Variants in NEBL observed in about 807,000 individuals in gnomAD.
The protein encoded by NEBL is LIM and SH3 protein 2.
NEBL carries 122 observed loss-of-function variants against 140.2 expected under a neutral mutation model. The ratio of observed to expected loss-of-function variants is 0.87; its 90% CI spans 0.75 to 1.01. The LOEUF (loss-of-function observed/expected upper bound fraction) is 1.01, where lower values mean the gene tolerates loss of function less well. Among genes scored for constraint, NEBL ranks in the 50% least tolerant of loss-of-function variants. The pLI is 0.00. For missense variants in NEBL, 1,365 were observed against 1,231.3 expected (o/e 1.11, Z -1.62); for synonymous variants, 436 against 398.9 (o/e 1.09, Z -1.11).
At chr10:20,902,997 A>G (rs1847935245) in intron 4 of NEBL, among the ~76,000 whole-genome samples, 2 of 152,202 alleles carry the variant, frequency 1.3e-5, no homozygotes, top group Non-Finnish European at 2.9e-5. Context: ...TCACGATTCC[A>G]TAAACTGTTG....
chr10:21,018,036 G>A (rs1838629392), intron 3 of NEBL, among the ~76,000 whole-genome samples: 1 of 151,994 alleles, frequency 6.6e-6, no homozygotes, highest in African/African-American at 2.4e-5. Context: ...TGGCCAGGCT[G>A]GTCTCGAACT....
intron 3 of NEBL, 107 bp downstream of exon 3, chr10:20,889,738 T>C: frequency 1.3e-6 from 1 of 746,724 alleles, no homozygotes; most frequent in Non-Finnish European, 2.4e-6. Flanking sequence ...TAACATTCAG[T>C]AGTGCTTTTG....
chr10:20,857,010 G>A (rs1177884024), intron 9 of NEBL, among the ~76,000 whole-genome samples: 2 of 151,954 alleles, frequency 1.3e-5, no homozygotes, highest in Non-Finnish European at 2.9e-5. Flanking sequence ...TGTATTTTTA[G>A]TAGAGACGAG....
intron 4 of NEBL, among the ~76,000 whole-genome samples, chr10:20,948,697 C>T (rs757609739): frequency 6.6e-5 from 10 of 152,236 alleles, no homozygotes; most frequent in Non-Finnish European, 1.0e-4. Context: ...ATTTCTCCAA[C>T]AGAGCTCTCA....
At chr10:20,872,730 A>C (rs1845079334) in intron 5 of NEBL, among the ~76,000 whole-genome samples, 1 of 152,292 alleles carries the variant, frequency 6.6e-6, no homozygotes, top group African/African-American at 2.4e-5. Context: ...AAACCCACCA[A>C]AACCAAGATG....
At chr10:21,174,146 G>A (rs1233784442) in exon 1 of NEBL, 6 of 563,584 alleles carry the variant, frequency 1.1e-5, no homozygotes, top group African/African-American at 1.0e-4. Flanking sequence ...CCCGCCCCTC[G>A]CGCTCACTCG....
chr10:20,933,498 AC>A (rs1341074448), intron 4 of NEBL, among the ~76,000 whole-genome samples: 1 of 152,088 alleles, frequency 6.6e-6, no homozygotes, highest in East Asian at 1.9e-4. Flanking sequence ...CTTTGGGAGG[AC>A]AAGGCGGGTG....
chr10:20,789,853 T>TTA lies in NEBL; in HGVS notation c.2762-2547_2762-2546dup, dbSNP rs537896711. Reference sequence around the variant, plus strand: ...ACAGAGAGCAATCTTATCTCAAATTTTATATATATATATACATACACATAC... The same window carrying TTA: ...ACAGAGAGCAATCTTATCTCAAATTTTATATATATATATATACATACACATAC... On this transcript the variant is annotated intron_variant, in intron 26 of 27. Coordinates refer to ENST00000377122, the MANE Select transcript of NEBL (RefSeq NM_006393.3). 3.2e-3 allele frequency among the ~76,000 whole-genome samples: 479 copies of TTA among 149,490 alleles called. 7 individuals are homozygous for TTA. The South Asian group carries it at 0.037, about 11-fold the overall frequency.
intron 3 of NEBL, among the ~76,000 whole-genome samples, chr10:20,970,541 G>A (rs957584956): frequency 7.2e-5 from 11 of 152,150 alleles, no homozygotes; most frequent in African/African-American, 2.4e-4. Context: ...AGCTACTCAG[G>A]AGGCCTCTGA....
At chr10:20,921,726 ACACACACAACACATG>A (rs1372665913) in intron 4 of NEBL, among the ~76,000 whole-genome samples, 1 of 152,092 alleles carries the variant, frequency 6.6e-6, no homozygotes, top group Non-Finnish European at 1.5e-5. Flanking sequence ...ATGTGACAAC[ACACACACAACACATG>A]CACACACATA....
intron 1 of NEBL, among the ~76,000 whole-genome samples, chr10:21,274,692 C>T (rs1018128614): frequency 2.6e-5 from 4 of 152,082 alleles, no homozygotes; most frequent in African/African-American, 9.7e-5. Context: ...TCCCAAAGTG[C>T]TGGGATTACA....
At chr10:21,024,082 A>C (rs80020861) in intron 2 of NEBL, among the ~76,000 whole-genome samples, 1 of 151,596 alleles carries the variant, frequency 6.6e-6, no homozygotes, top group African/African-American at 2.4e-5. Context: ...AAAAAAAAAA[A>C]CATTGAAAAG....
chr10:21,125,966 G>A (rs1159193440), intron 2 of NEBL: 1 of 1,614,174 alleles, frequency 6.2e-7, no homozygotes, highest in African/African-American at 1.3e-5. Context: ...CCTGGATCTG[G>A]TTCAGGAGCT....
At chr10:20,963,848 G>A (rs1306713396) in intron 3 of NEBL, among the ~76,000 whole-genome samples, 1 of 152,150 alleles carries the variant, frequency 6.6e-6, no homozygotes, top group Non-Finnish European at 1.5e-5. Flanking sequence ...GAGTGTTGCA[G>A]GATTCCTATT....
chr10:21,248,635 T>C (rs561051567), intron 2 of NEBL, among the ~76,000 whole-genome samples: 34 of 152,318 alleles, frequency 2.2e-4, no homozygotes, highest in African/African-American at 8.2e-4. Context: ...CATGAGGTTA[T>C]AAATATCTGT....
intron 3 of NEBL, among the ~76,000 whole-genome samples, chr10:21,008,194 A>G (rs1273916604): frequency 1.3e-5 from 2 of 152,340 alleles, no homozygotes; most frequent in East Asian, 1.9e-4. Context: ...ATATATTTAT[A>G]TGCATAATGA....
intron 4 of NEBL, among the ~76,000 whole-genome samples, chr10:20,914,331 A>C (rs533539726): frequency 6.6e-6 from 1 of 152,378 alleles, no homozygotes; most frequent in South Asian, 2.1e-4. Flanking sequence ...AAACCTTAAA[A>C]GATACAGTGA....
intron 2 of NEBL, among the ~76,000 whole-genome samples, chr10:21,035,928 T>A (rs934195805): frequency 1.1e-4 from 16 of 152,136 alleles, no homozygotes; most frequent in African/African-American, 3.9e-4. Flanking sequence ...TTTGGGAGGC[T>A]GAGGTGAGCG....
At chr10:21,291,435 G>A (rs1186116387) in intron 1 of NEBL, among the ~76,000 whole-genome samples, 1 of 151,488 alleles carries the variant, frequency 6.6e-6, no homozygotes, top group Non-Finnish European at 1.5e-5. Flanking sequence ...GAACCCAGGA[G>A]GCAGGAGTTG....
Sources: gnomAD v4.1 joint callset for allele counts (sites outside exome capture counted in the v4.1 genomes callset) on GRCh38, gnomAD v4.1.1 for gene constraint, MANE v1.5 for transcripts, NCBI Gene and HGNC (gene_info 2026-07-23, HGNC 2026-07-21) for gene names.